Variants in MYOCD observed in about 807,000 individuals in gnomAD.
MYOCD encodes the protein myocardin.
In MYOCD, 32 loss-of-function variants were observed where a neutral mutation model predicts 96.1. The observed-to-expected ratio is 0.33, with a 90% CI of 0.25 to 0.45. The LOEUF is 0.45. Ranked by LOEUF, MYOCD falls within the 20% of genes least tolerant of loss-of-function variation. The pLI is 1.00. For missense variants in MYOCD, 1,133 were observed against 1,200.6 expected (o/e 0.94, Z 0.83); for synonymous variants, 469 against 469.0 (o/e 1.00, Z 0.00).
chr17:12,740,264 C>T (rs1321177114), intron 7 of MYOCD, among the ~76,000 whole-genome samples: 1 of 152,170 alleles, frequency 6.6e-6, no homozygotes, highest in Non-Finnish European at 1.5e-5. Flanking sequence ...GATTGTAGTG[C>T]ACCCGTCACC....
intron 1 of MYOCD, among the ~76,000 whole-genome samples, chr17:12,691,826 A>G (rs2150656634): frequency 6.6e-6 from 1 of 152,306 alleles, no homozygotes; most frequent in South Asian, 2.1e-4. Context: ...TTATAACTCT[A>G]TGGCCTTGGA....
intron 11 of MYOCD, 30 bp from the exon 12 acceptor site, chr17:12,758,055 A>T: frequency 6.7e-7 from 1 of 1,486,072 alleles, no homozygotes; most frequent in Non-Finnish European, 9.4e-7. Flanking sequence ...CCATGAATTC[A>T]ATGCCTTTCT....
intron 11 of MYOCD, 77 bp from the exon 12 acceptor site, chr17:12,758,008 C>CT: frequency 8.4e-7 from 1 of 1,187,630 alleles, no homozygotes; most frequent in Non-Finnish European, 1.2e-6. Context: ...AAAATTTAGC[C>CT]TGTTGTTTCT....
At chr17:12,680,707 C>T (rs147143735) in intron 1 of MYOCD, among the ~76,000 whole-genome samples, 1,665 of 152,330 alleles carry the variant, frequency 0.011, 29 homozygotes, top group African/African-American at 0.038. Flanking sequence ...CCAAATGGAG[C>T]AATTTGTCTT....
intron 12 of MYOCD, among the ~76,000 whole-genome samples, chr17:12,758,649 G>C (rs1206613618): frequency 6.6e-6 from 1 of 152,220 alleles, no homozygotes; most frequent in Admixed American, 6.5e-5. Context: ...AGTGACCCTG[G>C]CAAAACACTG....
In MYOCD at chr17:12,736,248, G is replaced by C. The variant is rs372928138; in HGVS notation, c.503G>C (p.Arg168Pro). The C allele has an allele frequency of 7.4e-6, 12 of 1,614,074 alleles. No homozygotes were observed. Among genetic ancestry groups the C allele is most frequent in the African/African-American group, 6.7e-5 (5 of 74,920 alleles). ...GATGGGCTTTCTCCGGATCAGACTC[G>C]AAGTGAAGACCCCCAAAACTCAGCG... is the stretch of plus-strand genomic sequence containing the variant. ...SSDGLSPDQT[R>P]SEDPQNSAGS... Residue 168 changes from arginine to proline, a missense_variant, in exon 6 of 14, where the codon CGA (arginine) becomes CCA (proline). By Grantham distance (103) the Arg-to-Pro change is moderately radical (BLOSUM62 -2). Transcript: ENST00000425538.
intron 9 of MYOCD, 116 bp downstream of exon 9, chr17:12,746,188 T>A: frequency 8.9e-7 from 1 of 1,119,982 alleles, no homozygotes; most frequent in Non-Finnish European, 1.3e-6. Context: ...AAGAAGACTG[T>A]AGGAAACACT....
At chr17:12,666,336 GC>G in intron 1 of MYOCD, 93 bp downstream of exon 1, 1 of 967,746 alleles carries the variant, frequency 1.0e-6, no homozygotes, top group Non-Finnish European at 1.6e-6. Flanking sequence ...TTCAAAGCCT[GC>G]CAGGTCTACC....
At position 12,666,050 on chromosome 17, in the gene MYOCD, ACTC is replaced by A. The variant is rs113148639; in HGVS notation, c.-136_-134del. 4,848 of 637,242 alleles carry A rather than the reference ACTC, an allele frequency of 7.6e-3. 190 individuals are homozygous for A. In the African/African-American group the frequency reaches 0.079, roughly 10 times the overall value. The allele number at this position is 637,242 out of a possible 1,614,324, so 39.5% of individuals were successfully genotyped here. A position where few individuals can be genotyped will look rare whatever the true frequency, so the allele number is the denominator to read the frequency against. On this transcript the variant is annotated 5_prime_UTR_variant, in exon 1 of 14. Coordinates refer to ENST00000425538, the MANE Select transcript of MYOCD (RefSeq NM_001146312.3). ...TTCTGGGGACACTGGCTGCCACTGT[ACTC>A]CTACCCAGGGGAGCTCACGGAGAGT...
chr17:12,753,964 A>G (rs779222985), intron 10 of MYOCD, among the ~76,000 whole-genome samples: 2 of 152,090 alleles, frequency 1.3e-5, no homozygotes, highest in African/African-American at 2.4e-5. Flanking sequence ...TTCTATTCTC[A>G]TGGGAACAGA....
chr17:12,751,562 T>C (rs2032853457), intron 9 of MYOCD, among the ~76,000 whole-genome samples: 1 of 152,188 alleles, frequency 6.6e-6, no homozygotes, highest in African/African-American at 2.4e-5. Context: ...ATAATAATAT[T>C]AGTAAAACTT....
In MYOCD at chr17:12,748,999, A is replaced by G. The variant is rs557484534; in HGVS notation, c.1125+2927A>G. Among the ~76,000 whole-genome samples the G allele has an allele frequency of 1.5e-3, 236 of 152,360 alleles. 1 individual carries two copies. Among genetic ancestry groups the G allele is most frequent in the African/African-American group, 5.4e-3 (226 of 41,592 alleles). ...AGATAAGACTAACAGAAAGCAGATTATATTTCCTTCTAGGTTTAAAATGCA... is the reference window on the plus strand; with the variant it reads ...AGATAAGACTAACAGAAAGCAGATTGTATTTCCTTCTAGGTTTAAAATGCA... On this transcript the variant is annotated intron_variant, in intron 9 of 13. Transcript: ENST00000425538.
intron 13 of MYOCD, 83 bp downstream of exon 13, chr17:12,760,790 A>T: frequency 8.9e-7 from 1 of 1,128,496 alleles, no homozygotes; most frequent in Non-Finnish European, 1.3e-6. Flanking sequence ...CCAAGATCAG[A>T]TGCACACTGT....
chr17:12,697,507 C>T (rs1391916600), intron 1 of MYOCD, among the ~76,000 whole-genome samples: 1 of 150,982 alleles, frequency 6.6e-6, no homozygotes, highest in Non-Finnish European at 1.5e-5. Flanking sequence ...AGACTACAGG[C>T]GCCCACCACT....
intron 8 of MYOCD, 75 bp downstream of exon 8, chr17:12,744,511 C>A: frequency 1.3e-6 from 2 of 1,507,584 alleles, no homozygotes; most frequent in Non-Finnish European, 1.8e-6. Context: ...TATCTGCCAG[C>A]ACCATGGGGC....
chr17:12,739,420 G>A (rs986396626), intron 7 of MYOCD, 92 bp downstream of exon 7: 7 of 1,411,078 alleles, frequency 5.0e-6, no homozygotes, highest in African/African-American at 1.5e-5. Context: ...CTGACAACAC[G>A]AGGAGAGTTA....
At chr17:12,723,130 G>T in intron 5 of MYOCD, 122 bp downstream of exon 5, 1 of 921,056 alleles carries the variant, frequency 1.1e-6, no homozygotes, top group Non-Finnish European at 1.6e-6. Context: ...CCATACCATG[G>T]GTTGTTAGTC....
At chr17:12,711,455 C>T (rs1486128713) in intron 2 of MYOCD, among the ~76,000 whole-genome samples, 3 of 152,192 alleles carry the variant, frequency 2.0e-5, no homozygotes, top group Non-Finnish European at 4.4e-5. Context: ...CCCTGTCCAC[C>T]TAAAGAATCC....
At chr17:12,740,750 T>A (rs1332045960) in intron 7 of MYOCD, among the ~76,000 whole-genome samples, 1 of 152,086 alleles carries the variant, frequency 6.6e-6, no homozygotes, top group Non-Finnish European at 1.5e-5. Flanking sequence ...CTTTTTTTTT[T>A]CTTTTGAGAT....
Sources: allele counts gnomAD v4.1 joint callset (sites outside exome capture counted in the v4.1 genomes callset), GRCh38; gene constraint gnomAD v4.1.1; transcripts MANE v1.5; gene names NCBI Gene and HGNC (gene_info 2026-07-23, HGNC 2026-07-21).